The following HDX variants were observed in gnomAD, a reference collection of about 807,000 sequenced individuals.
The protein encoded by HDX is highly divergent homeobox.
A neutral mutation model predicts 45.2 loss-of-function variants in HDX; 19 were observed. The observed-to-expected ratio is 0.42, with a 90% confidence interval of 0.29 to 0.62. HDX has a LOEUF of 0.62. Ranked by LOEUF, HDX falls within the 20% of genes least tolerant of loss-of-function variation. The pLI, the probability that HDX is intolerant of heterozygous loss-of-function variation, is 0.20. For missense variants in HDX, 532 were observed against 493.9 expected (o/e 1.08, Z -0.73); for synonymous variants, 188 against 172.8 (o/e 1.09, Z -0.69).
At chrX:84,376,116 T>A (rs900718064) in intron 5 of HDX, among the ~76,000 whole-genome samples, 1 of 112,162 alleles carries the variant, frequency 8.9e-6, no homozygotes, top group African/African-American at 3.2e-5. Context: ...CCCAGACATT[T>A]GTATACATGG....
intron 5 of HDX, among the ~76,000 whole-genome samples, chrX:84,419,490 G>A (rs186539180): frequency 6.0e-4 from 67 of 111,964 alleles, no homozygotes; most frequent in African/African-American, 2.2e-3. Flanking sequence ...CTGCATCTTG[G>A]TGTCTGAGTG....
chrX:84,385,837 GTTTTTT>G (rs764533335), intron 5 of HDX, among the ~76,000 whole-genome samples: 2 of 73,459 alleles, frequency 2.7e-5, no homozygotes, highest in Non-Finnish European at 5.2e-5. Context: ...TACTTGAATG[GTTTTTT>G]TTTTTTTTTT....
At position 84,318,885 on chromosome X, in the gene HDX, G is replaced by C. The variant is rs144136173; in HGVS notation, c.*3004C>G. The stretch of plus-strand genomic sequence containing the variant: ...AAAACATCCCCAGTTTCCATGAAGA[G>C]GCCAATTTTCTTTTAAGGTTTTCTT... On this transcript the variant is annotated 3_prime_UTR_variant, in exon 11 of 11. Coordinates refer to ENST00000373177, the MANE Select transcript of HDX (RefSeq NM_001177479.2). The C allele has an allele frequency of 9.0e-6, 1 of 111,243 alleles. No homozygotes were observed. The highest frequency in any genetic ancestry group is 2.8e-4 in the East Asian group (1 of 3,537). The allele number at this position is 111,243 out of a possible 1,213,427, so 9.2% of individuals were successfully genotyped here. A position where few individuals can be genotyped will look rare whatever the true frequency, so the allele number is the denominator to read the frequency against.
chrX:84,361,346 C>T (rs141053676), intron 6 of HDX, 120 bp downstream of exon 6: 14,297 of 535,380 alleles, frequency 0.027, 181 homozygotes, highest in Middle Eastern at 0.071. Context: ...TATCTCCTAT[C>T]CTGTGGGTTA....
At chrX:84,461,409 C>T (rs1296831037) in intron 4 of HDX, among the ~76,000 whole-genome samples, 1 of 110,727 alleles carries the variant, frequency 9.0e-6, no homozygotes, top group Non-Finnish European at 1.9e-5. Context: ...TTGCCAAGAA[C>T]ATACGCTAGG....
intron 5 of HDX, among the ~76,000 whole-genome samples, chrX:84,382,502 A>G (rs758857123): frequency 6.5e-4 from 73 of 112,179 alleles, no homozygotes; most frequent in Non-Finnish European, 1.3e-3. Context: ...ACAATGAAGT[A>G]CTAGTCAGCT....
In HDX at chrX:84,319,504, AG is replaced by A. The variant is rs1487998237; in HGVS notation, c.*2384del. On this transcript the variant is annotated 3_prime_UTR_variant, in exon 11 of 11. Coordinates refer to ENST00000373177, the MANE Select transcript of HDX (RefSeq NM_001177479.2). ...TTTCCTTCAGTTCCTGCTACAGAATAGCCACATTTCATTTTAGAAGTGTTTT... is the reference window on the plus strand; with the variant it reads ...TTTCCTTCAGTTCCTGCTACAGAATACCACATTTCATTTTAGAAGTGTTTT... The A allele has an allele frequency of 8.9e-6, 1 of 111,747 alleles. No homozygotes were observed. Among genetic ancestry groups the A allele is most frequent in the African/African-American group, 3.2e-5 (1 of 30,950 alleles). The allele number at this position is 111,747 out of a possible 1,213,427, so 9.2% of individuals were successfully genotyped here.
chrX:84,355,608 G>A (rs1451339702), intron 6 of HDX, among the ~76,000 whole-genome samples: 2 of 109,336 alleles, frequency 1.8e-5, no homozygotes, highest in African/African-American at 3.3e-5. Flanking sequence ...CTATCGCAGG[G>A]ACAAAAAACC....
intron 4 of HDX, 21 bp downstream of exon 4, chrX:84,468,450 AT>A (rs766314631): frequency 3.9e-6 from 4 of 1,022,216 alleles, no homozygotes; most frequent in Admixed American, 3.2e-5. Context: ...TAAAACCTTT[AT>A]AAAATAAATT....
chrX:84,416,352 G>A (rs1265455793), intron 5 of HDX, among the ~76,000 whole-genome samples: 1 of 111,622 alleles, frequency 9.0e-6, no homozygotes, highest in East Asian at 2.8e-4. Flanking sequence ...ATGTAGCTGA[G>A]GGGCATCGAT....
chrX:84,415,020 T>C (rs1482629910), intron 5 of HDX, among the ~76,000 whole-genome samples: 1 of 112,135 alleles, frequency 8.9e-6, no homozygotes, highest in African/African-American at 3.2e-5. Flanking sequence ...ATAGGCAAAA[T>C]TCAGATTTAA....
chrX:84,424,814 G>T (rs769625272), intron 5 of HDX, among the ~76,000 whole-genome samples: 22 of 110,727 alleles, frequency 2.0e-4, no homozygotes, highest in African/African-American at 6.9e-4. Flanking sequence ...ATCAAATCAA[G>T]GATTGAATAC....
chrX:84,494,467 A>G (rs1002763564), intron 1 of HDX, among the ~76,000 whole-genome samples: 6 of 112,113 alleles, frequency 5.4e-5, no homozygotes, highest in Non-Finnish European at 1.1e-4. Flanking sequence ...ATACACAAAG[A>G]GATAGACTAT....
intron 6 of HDX, among the ~76,000 whole-genome samples, chrX:84,349,561 ATG>A (rs1484043006): frequency 1.1e-5 from 1 of 93,749 alleles, no homozygotes; most frequent in Admixed American, 1.2e-4. Context: ...AAGCATATAG[ATG>A]TATATATATG....
intron 5 of HDX, among the ~76,000 whole-genome samples, chrX:84,383,912 TG>T (rs1348281538): frequency 9.0e-6 from 1 of 111,717 alleles, no homozygotes; most frequent in East Asian, 2.8e-4. Flanking sequence ...TAGTATTCCA[TG>T]GTGTATATGT....
intron 5 of HDX, among the ~76,000 whole-genome samples, chrX:84,421,419 A>G (rs2039250116): frequency 9.0e-6 from 1 of 111,605 alleles, no homozygotes; most frequent in Admixed American, 9.5e-5. Flanking sequence ...CTCAAACTAA[A>G]AAAGATACAT....
intron 5 of HDX, among the ~76,000 whole-genome samples, chrX:84,432,493 A>C (rs2039527628): frequency 9.0e-6 from 1 of 111,485 alleles, no homozygotes; most frequent in African/African-American, 3.3e-5. Context: ...TATTTGTGTC[A>C]TCTTTGATTT....
At chrX:84,392,220 G>C (rs1199463274) in intron 5 of HDX, among the ~76,000 whole-genome samples, 1 of 111,489 alleles carries the variant, frequency 9.0e-6, no homozygotes, top group Non-Finnish European at 1.9e-5. Context: ...AAAATCAGTT[G>C]ACTTTAAATA....
chrX:84,349,029 C>T (rs2037270747), intron 6 of HDX, among the ~76,000 whole-genome samples: 1 of 111,454 alleles, frequency 9.0e-6, no homozygotes, highest in South Asian at 3.8e-4. Context: ...GTCACCCCCT[C>T]CATGATTGTA....
Sources: gnomAD v4.1 joint callset for allele counts (sites outside exome capture counted in the v4.1 genomes callset) on GRCh38, gnomAD v4.1.1 for gene constraint, MANE v1.5 for transcripts, NCBI Gene and HGNC (gene_info 2026-07-23, HGNC 2026-07-21) for gene names.